Variants in RABL3 observed in about 807,000 individuals in gnomAD.
RABL3 encodes rab-like protein 3.
A neutral mutation model predicts 31.8 loss-of-function variants in RABL3; 31 were observed. That is an observed-to-expected ratio of 0.97 (90% CI 0.73 to 1.31). The LOEUF (loss-of-function observed/expected upper bound fraction) is 1.31. Among genes scored for constraint, RABL3 ranks in the 40% most tolerant of loss-of-function variants. RABL3 has a pLI of 0.00. For missense variants in RABL3, 263 were observed against 279.6 expected, an observed-to-expected ratio of 0.94 and a Z score of 0.42; for synonymous variants, 97 against 99.9, an observed-to-expected ratio of 0.97 and a Z score of 0.18.
At chr3:120,692,414 G>A (rs571793516) in intron 6 of RABL3, among the ~76,000 whole-genome samples, 4 of 152,294 alleles carry the variant, frequency 2.6e-5, no homozygotes, top group East Asian at 3.9e-4. Flanking sequence ...TAGCCATGAT[G>A]GTCTTGATCT....
At chr3:120,707,004 G>T (rs1354312889) in intron 3 of RABL3, among the ~76,000 whole-genome samples, 1 of 152,086 alleles carries the variant, frequency 6.6e-6, no homozygotes, top group African/African-American at 2.4e-5. Context: ...TAGAATTTAG[G>T]ATATCACCTT....
At chr3:120,732,767 G>A (rs1708902131) in intron 1 of RABL3, among the ~76,000 whole-genome samples, 1 of 140,646 alleles carries the variant, frequency 7.1e-6, no homozygotes, top group Non-Finnish European at 1.5e-5. Flanking sequence ...CTGTGTCCAA[G>A]TGTTCTCATT....
intron 1 of RABL3, among the ~76,000 whole-genome samples, chr3:120,732,025 C>T (rs941215951): frequency 6.6e-6 from 1 of 152,264 alleles, no homozygotes; most frequent in East Asian, 1.9e-4. Context: ...CACTGCTGTA[C>T]TCTAGCCTGG....
intron 2 of RABL3, among the ~76,000 whole-genome samples, chr3:120,718,954 C>A (rs61795615): frequency 0.063 from 9,622 of 152,078 alleles, 511 homozygotes; most frequent in African/African-American, 0.14. Flanking sequence ...GTAATATAAT[C>A]TCAAAGTATA....
chr3:120,726,489 A>T (rs577720259), intron 2 of RABL3, among the ~76,000 whole-genome samples: 1 of 152,220 alleles, frequency 6.6e-6, no homozygotes, highest in Non-Finnish European at 1.5e-5. Flanking sequence ...GGCCAGGCAC[A>T]GTGGCTCATG....
intron 2 of RABL3, among the ~76,000 whole-genome samples, chr3:120,718,315 A>C (rs1158211114): frequency 1.3e-5 from 2 of 152,110 alleles, no homozygotes; most frequent in East Asian, 3.9e-4. Context: ...TAACACTCCA[A>C]AGCTACTTCT....
intron 5 of RABL3, among the ~76,000 whole-genome samples, chr3:120,697,310 G>A (rs146027446): frequency 5.5e-4 from 84 of 152,286 alleles, no homozygotes; most frequent in Non-Finnish European, 9.4e-4. Context: ...GTCTTGTTAC[G>A]TCTCTCCTTC....
chr3:120,694,226 T>G lies in RABL3; in HGVS notation c.535-2A>C. On this transcript the variant is annotated splice_acceptor_variant, in intron 5 of 7. Coordinates refer to ENST00000273375, the MANE Select transcript of RABL3 (RefSeq NM_173825.5). LOFTEE classifies it high-confidence loss of function. Reference sequence around the variant, plus strand: ...TAAGTACCGTGGATTTGTGCAGTCCTAGAAGATAAAACATAAGATCCACAA... The same window carrying G: ...TAAGTACCGTGGATTTGTGCAGTCCGAGAAGATAAAACATAAGATCCACAA... 1 of 1,602,746 alleles carries G rather than the reference T, an allele frequency of 6.2e-7. No homozygotes were observed. Among genetic ancestry groups the G allele is most frequent in the Non-Finnish European group, 8.5e-7 (1 of 1,171,700 alleles).
intron 4 of RABL3, among the ~76,000 whole-genome samples, chr3:120,700,542 T>C (rs1244132000): frequency 1.3e-5 from 2 of 152,036 alleles, no homozygotes; most frequent in African/African-American, 2.4e-5. Context: ...CTTATTTAGA[T>C]ACTATTTCGA....
At chr3:120,702,182 A>G (rs1708499416) in intron 4 of RABL3, among the ~76,000 whole-genome samples, 1 of 152,204 alleles carries the variant, frequency 6.6e-6, no homozygotes. Flanking sequence ...GGCAAAGGCT[A>G]TAACACAAGC....
chr3:120,720,318 G>C (rs1371982427), intron 2 of RABL3, among the ~76,000 whole-genome samples: 1 of 152,216 alleles, frequency 6.6e-6, no homozygotes, highest in African/African-American at 2.4e-5. Flanking sequence ...ACCGACAATG[G>C]AGCAAAGCTG....
At chr3:120,720,888 T>A (rs1204341841) in intron 2 of RABL3, among the ~76,000 whole-genome samples, 1 of 152,110 alleles carries the variant, frequency 6.6e-6, no homozygotes, top group African/African-American at 2.4e-5. Context: ...AATTGTCAGA[T>A]TCACCAAAGT....
rs540178695 is a variant in RABL3, at chr3:120,703,533, A to G, written c.383+2467T>C. 4.6e-5 allele frequency among the ~76,000 whole-genome samples: 7 copies of G among 152,122 alleles called. No individual in the cohort carries two copies. In the South Asian group the frequency reaches 1.5e-3, roughly 32 times the overall value. On this transcript the variant is annotated intron_variant, in intron 4 of 7. Transcript: ENST00000273375. ...TCTAAGAAGCTATAGAGAACAAAAT[A>G]AACCAAAAGCAAGCAGAAGGAAAGA... is the stretch of plus-strand genomic sequence containing the variant.
At chr3:120,728,412 A>G (rs565681514) in intron 2 of RABL3, among the ~76,000 whole-genome samples, 2 of 152,162 alleles carry the variant, frequency 1.3e-5, no homozygotes, top group Admixed American at 1.3e-4. Flanking sequence ...TCAGGAGGTG[A>G]GTGTTTAAAT....
At chr3:120,737,789 T>C (rs1373476992) in intron 1 of RABL3, among the ~76,000 whole-genome samples, 1 of 152,214 alleles carries the variant, frequency 6.6e-6, no homozygotes, top group African/African-American at 2.4e-5. Context: ...GGAGGTCCGC[T>C]CCAGACCCTG....
intron 1 of RABL3, among the ~76,000 whole-genome samples, chr3:120,740,867 G>C (rs1709033261): frequency 6.6e-6 from 1 of 152,156 alleles, no homozygotes; most frequent in Non-Finnish European, 1.5e-5. Flanking sequence ...CCATAACAGG[G>C]GAGGCGGGCA....
chr3:120,695,679 T>G lies in RABL3; in HGVS notation c.535-1455A>C, dbSNP rs139050743. Among the ~76,000 whole-genome samples, 9 of 152,242 alleles carry G rather than the reference T, an allele frequency of 5.9e-5. No homozygotes were observed. In the East Asian group the frequency reaches 1.7e-3, roughly 29 times the overall value. On this transcript the variant is annotated intron_variant, in intron 5 of 7. Transcript: ENST00000273375. The stretch of plus-strand genomic sequence containing the variant: ...ACTAACTATGGTATTTGAAATAGTG[T>G]TTGAACACATTTCTACAGCAATTGG...
In RABL3 at chr3:120,711,234, C is replaced by A. The variant is rs188988372; in HGVS notation, c.139-1325G>T. Among the ~76,000 whole-genome samples, 9 of 152,244 alleles carry A rather than the reference C, an allele frequency of 5.9e-5. No individual in the cohort carries two copies. The East Asian group carries it at 1.5e-3, about 26-fold the overall frequency. ...TTTCTATCAATACTCATTCTTGTGGCAATTTCATCTAAAAGGCAATTTTAT... is the reference window on the plus strand; with the variant it reads ...TTTCTATCAATACTCATTCTTGTGGAAATTTCATCTAAAAGGCAATTTTAT... On this transcript the variant is annotated intron_variant, in intron 2 of 7. Transcript: ENST00000273375.
At chr3:120,735,725 A>G (rs1708952273) in intron 1 of RABL3, among the ~76,000 whole-genome samples, 1 of 152,182 alleles carries the variant, frequency 6.6e-6, no homozygotes, top group South Asian at 2.1e-4. Context: ...AATGTGTCCC[A>G]GAGATTCTGG....
Sources: allele counts gnomAD v4.1 joint callset (sites outside exome capture counted in the v4.1 genomes callset), GRCh38; gene constraint gnomAD v4.1.1; transcripts MANE v1.5; gene names NCBI Gene and HGNC (gene_info 2026-07-23, HGNC 2026-07-21).